Variants in SIRPA observed in about 807,000 individuals in gnomAD.
SIRPA encodes signal regulatory protein alpha, also known as tyrosine-protein phosphatase non-receptor type substrate 1.
In SIRPA, 9 loss-of-function variants were observed where a neutral mutation model predicts 50.3. The observed-to-expected ratio is 0.18, with a 90% CI of 0.11 to 0.31. SIRPA has a LOEUF of 0.31. Ranked by LOEUF, SIRPA falls within the 10% of genes least tolerant of loss-of-function variation. The pLI is 1.00. For synonymous variants in SIRPA, 265 were observed against 284.1 expected (o/e 0.93, Z 0.68); for missense variants, 474 against 661.6 (o/e 0.72, Z 3.11).
Position 1,921,559 on chromosome 20 carries a change from G to T in SIRPA, c.601G>T (p.Val201Leu). The T allele has an allele frequency of 1.9e-6, 3 of 1,614,210 alleles. No individual in the cohort carries two copies. The highest frequency in any genetic ancestry group is 3.3e-5 in the Admixed American group (2 of 60,022). Residue 201 changes from valine to leucine, a missense_variant, in exon 3 of 8, where the codon GTA becomes TTA. Val to Leu is a conservative substitution (Grantham distance 32). Coordinates refer to ENST00000358771, the MANE Select transcript of SIRPA (RefSeq NM_001040023.2). Reference protein sequence around the residue: ...LSDFQTNVDPVGESVSYSIHS... With the variant: ...LSDFQTNVDPLGESVSYSIHS... ...AGACTTCCAGACCAACGTGGACCCC[G>T]TAGGAGAGAGCGTGTCCTACAGCAT...
intron 1 of SIRPA, among the ~76,000 whole-genome samples, chr20:1,905,973 G>A (rs1984521757): frequency 6.6e-6 from 1 of 152,224 alleles, no homozygotes; most frequent in African/African-American, 2.4e-5. Context: ...AGCTGGTTCT[G>A]CCTCGGAGAG....
At chr20:1,897,502 C>T (rs1460496190) in intron 1 of SIRPA, among the ~76,000 whole-genome samples, 1 of 152,190 alleles carries the variant, frequency 6.6e-6, no homozygotes, top group African/African-American at 2.4e-5. Flanking sequence ...GGCCCCTCCC[C>T]CTATTGCTCC....
chr20:1,918,129 G>T (rs994113380), intron 2 of SIRPA, among the ~76,000 whole-genome samples: 1 of 152,160 alleles, frequency 6.6e-6, no homozygotes, highest in Admixed American at 6.5e-5. Flanking sequence ...GAAAGGATTT[G>T]AGTTCCTGTG....
chr20:1,919,005 G>A (rs1007210168), intron 2 of SIRPA, among the ~76,000 whole-genome samples: 3 of 152,212 alleles, frequency 2.0e-5, no homozygotes, highest in Non-Finnish European at 4.4e-5. Flanking sequence ...CAGACCAGGA[G>A]TTGGGACCGA....
chr20:1,907,469 C>G lies in SIRPA; in HGVS notation c.80-7630C>G, dbSNP rs115734125. On this transcript the variant is annotated intron_variant, in intron 1 of 7. Coordinates refer to ENST00000358771, the MANE Select transcript of SIRPA (RefSeq NM_001040023.2). ...ACAGCCAGTGAGCATGTTCCAAGGACTCTACCCTGAGTCCTGTCACCTCTG... is the reference window on the plus strand; with the variant it reads ...ACAGCCAGTGAGCATGTTCCAAGGAGTCTACCCTGAGTCCTGTCACCTCTG... Among the ~76,000 whole-genome samples, 506 of 152,352 alleles carry G rather than the reference C, an allele frequency of 3.3e-3. 2 individuals are homozygous for G. Among genetic ancestry groups the G allele is most frequent in the African/African-American group, 0.011 (449 of 41,592 alleles).
chr20:1,904,615 G>A (rs1984436973), intron 1 of SIRPA, among the ~76,000 whole-genome samples: 1 of 152,234 alleles, frequency 6.6e-6, no homozygotes, highest in Admixed American at 6.5e-5. Flanking sequence ...CTTGCTCTGG[G>A]CAGCGTCGAT....
At position 1,895,538 on chromosome 20, in the gene SIRPA, C is replaced by A; in HGVS notation, c.79+12C>A. The A allele has an allele frequency of 2.8e-6, 4 of 1,441,552 alleles. 1 individual carries two copies. The highest frequency in any genetic ancestry group is 3.6e-6 in the Non-Finnish European group (4 of 1,098,558). The allele number at this position is 1,441,552 out of a possible 1,614,324, so 89.3% of individuals were successfully genotyped here. ...CTGCGCCTGGTCAGGTAAGCACCCCCCCGCTCCCCACCGCTGCACTCCCCA... is the reference window on the plus strand; with the variant it reads ...CTGCGCCTGGTCAGGTAAGCACCCCACCGCTCCCCACCGCTGCACTCCCCA... On this transcript the variant is annotated intron_variant, in intron 1 of 7. Coordinates refer to ENST00000358771, the MANE Select transcript of SIRPA (RefSeq NM_001040023.2).
In SIRPA at chr20:1,905,681, A is replaced by T. The variant is rs73569321; in HGVS notation, c.80-9418A>T. ...CTTAGGTTGTCAAGGCACCAAGCCT[A>T]GTAGATGTCAATGTCCTCTACCTGC... On this transcript the variant is annotated intron_variant, in intron 1 of 7. Coordinates refer to ENST00000358771, the MANE Select transcript of SIRPA (RefSeq NM_001040023.2). 8.3e-3 allele frequency among the ~76,000 whole-genome samples: 1,265 copies of T among 152,354 alleles called. 13 individuals carry two copies. The highest frequency in any genetic ancestry group is 0.029 in the African/African-American group (1,208 of 41,590).
intron 1 of SIRPA, among the ~76,000 whole-genome samples, chr20:1,914,522 A>G (rs1985106012): frequency 6.6e-6 from 1 of 151,608 alleles, no homozygotes. Context: ...CCTGGGTTCC[A>G]GGTGGGGACT....
At chr20:1,911,507 C>T (rs1033280064) in intron 1 of SIRPA, among the ~76,000 whole-genome samples, 4 of 152,150 alleles carry the variant, frequency 2.6e-5, no homozygotes, top group African/African-American at 7.2e-5. Context: ...TGGCTTGTTA[C>T]GGCTGCCTGT....
At chr20:1,896,339 G>T (rs867591342) in intron 1 of SIRPA, among the ~76,000 whole-genome samples, 1 of 152,124 alleles carries the variant, frequency 6.6e-6, no homozygotes, top group African/African-American at 2.4e-5. Context: ...TCGCCGGCAG[G>T]CGGGCTCTGA....
intron 1 of SIRPA, among the ~76,000 whole-genome samples, chr20:1,900,225 C>G (rs961319796): frequency 5.9e-5 from 9 of 151,806 alleles, no homozygotes; most frequent in Admixed American, 5.3e-4. Context: ...CTCAGCCTCC[C>G]GAGTAGCTGG....
upstream of SIRPA, chr20:1,895,222 C>A (rs1388618727): frequency 2.5e-6 from 1 of 405,858 alleles, no homozygotes; most frequent in Non-Finnish European, 4.3e-6. Flanking sequence ...CGCTTGGGGT[C>A]TCTCCCAGTC....
intron 1 of SIRPA, among the ~76,000 whole-genome samples, chr20:1,902,659 G>A (rs2122995371): frequency 6.6e-6 from 1 of 152,214 alleles, no homozygotes; most frequent in East Asian, 1.9e-4. Flanking sequence ...GAGGAGGGAA[G>A]GGAGAAGGTT....
chr20:1,909,714 G>A (rs769883227), intron 1 of SIRPA, among the ~76,000 whole-genome samples: 18 of 152,204 alleles, frequency 1.2e-4, no homozygotes, highest in Non-Finnish European at 1.9e-4. Flanking sequence ...CCCGGGAGGT[G>A]GAGGTTGCAG....
chr20:1,919,585 A>G (rs1985520713), intron 2 of SIRPA, among the ~76,000 whole-genome samples: 1 of 152,044 alleles, frequency 6.6e-6, no homozygotes, highest in East Asian at 1.9e-4. Flanking sequence ...TCCATCCTGA[A>G]AATGTTTTTG....
At position 1,922,596 on chromosome 20, in the gene SIRPA, C is replaced by T. The variant is rs774509450; in HGVS notation, c.1038C>T (p.Asp346=). 4 of 1,614,028 alleles carry T rather than the reference C, an allele frequency of 2.5e-6. No homozygotes were observed. Among genetic ancestry groups the T allele is most frequent in the South Asian group, 2.2e-5 (2 of 91,062 alleles). Residue 346 remains aspartate (D), a synonymous_variant, in exon 4 of 8, where the codon GAC becomes GAT. Coordinates refer to ENST00000358771, the MANE Select transcript of SIRPA (RefSeq NM_001040023.2). ...DGQPAVSKSH[D]LKVSAHPKEQ... The stretch of plus-strand genomic sequence containing the variant: ...AGCCAGCGGTCAGCAAAAGCCATGA[C>T]CTGAAGGTCTCAGCCCACCCGAAGG...
At chr20:1,904,293 A>C (rs544668103) in intron 1 of SIRPA, among the ~76,000 whole-genome samples, 1 of 152,346 alleles carries the variant, frequency 6.6e-6, no homozygotes, top group East Asian at 1.9e-4. Flanking sequence ...CTGCTTGCCC[A>C]ACTTTAGACA....
At position 1,927,996 on chromosome 20, in the gene SIRPA, C is replaced by A; in HGVS notation, c.1226+97C>A. On this transcript the variant is annotated intron_variant, in intron 6 of 7. Coordinates refer to ENST00000358771, the MANE Select transcript of SIRPA (RefSeq NM_001040023.2). The surrounding 1 kb of genome is among the most constrained non-coding windows in gnomAD (Gnocchi z 6.5). ...GCATAATCCATGTCCACTGACCTCACCAATGTGTTGGTCAACATGTCTCTT... is the reference window on the plus strand; with the variant it reads ...GCATAATCCATGTCCACTGACCTCAACAATGTGTTGGTCAACATGTCTCTT... 1 of 1,006,746 alleles carries A rather than the reference C, an allele frequency of 9.9e-7. No individual in the cohort carries two copies. The highest frequency in any genetic ancestry group is 1.6e-6 in the Non-Finnish European group (1 of 627,168). The allele number at this position is 1,006,746 out of a possible 1,614,324, so 62.4% of individuals were successfully genotyped here. A position where few individuals can be genotyped will look rare whatever the true frequency, so the allele number is the denominator to read the frequency against.
Sources: allele counts gnomAD v4.1 joint callset (sites outside exome capture counted in the v4.1 genomes callset), GRCh38; gene constraint gnomAD v4.1.1; non-coding constraint Gnocchi (gnomAD v3.1); transcripts MANE v1.5; gene names NCBI Gene and HGNC (gene_info 2026-07-23, HGNC 2026-07-21).